The following NHS variants were observed in gnomAD, a reference collection of about 807,000 sequenced individuals.
NHS encodes NHS actin remodeling regulator, also known as actin remodeling regulator NHS.
In NHS, 5 loss-of-function variants were observed where a neutral mutation model predicts 72.5. The ratio of observed to expected loss-of-function variants is 0.07; its 90% CI spans 0.04 to 0.14. The LOEUF is 0.14. Among genes scored for constraint, NHS ranks in the 10% least tolerant of loss-of-function variants. The pLI is 1.00. For synonymous variants in NHS, 464 were observed against 547.7 expected (o/e 0.85, Z 2.13); for missense variants, 1,072 against 1,355.7 (o/e 0.79, Z 3.29).
At chrX:17,658,749 C>T (rs1351950037) in intron 1 of NHS, among the ~76,000 whole-genome samples, 3 of 111,726 alleles carry the variant, frequency 2.7e-5, no homozygotes, top group South Asian at 3.8e-4. Flanking sequence ...GGGAAGACCA[C>T]GGGTTGAGAT....
intron 1 of NHS, among the ~76,000 whole-genome samples, chrX:17,684,072 T>TA (rs2066145180): frequency 9.0e-6 from 1 of 110,804 alleles, no homozygotes; most frequent in Non-Finnish European, 1.9e-5. Flanking sequence ...TAAAGGGGAG[T>TA]TCCCCTGCAT....
chrX:17,448,975 A>C (rs772349124), intron 1 of NHS, among the ~76,000 whole-genome samples: 1 of 112,799 alleles, frequency 8.9e-6, no homozygotes, highest in Non-Finnish European at 1.9e-5. Context: ...AATGCCTACA[A>C]TATCTATGGC....
rs796409129 is a variant in NHS, at chrX:17,673,237, C to CACACACAG, written c.566-14504_566-14503insCACACAGA. On this transcript the variant is annotated intron_variant, in intron 1 of 8. Coordinates refer to ENST00000676302, the MANE Select transcript of NHS (RefSeq NM_001291867.2). ...ACACACACACACACACACACACACA[C>CACACACAG]AAGAAAGCTCGTCTGAGCCAGGGAC... Among the ~76,000 whole-genome samples, 160 of 95,031 alleles carry CACACACAG rather than the reference C, an allele frequency of 1.7e-3. 7 individuals carry two copies. Among genetic ancestry groups the CACACACAG allele is most frequent in the Non-Finnish European group, 2.4e-3 (116 of 47,801 alleles). 82.5% of individuals were successfully genotyped at this position (95,031 alleles called of 115,157 possible).
At position 17,562,709 on chromosome X, in the gene NHS, A is replaced by G. The variant is rs779449234; in HGVS notation, c.566-125033A>G. ...TAATAAACAAAGAATCTTTAAAGAA[A>G]GAGAGTTTTACAAAAACCAGAGGAT... On this transcript the variant is annotated intron_variant, in intron 1 of 8. Transcript: ENST00000676302. Among the ~76,000 whole-genome samples the G allele has an allele frequency of 6.2e-5, 7 of 112,519 alleles. No homozygotes were observed. The South Asian group carries it at 2.6e-3, about 42-fold the overall frequency.
chrX:17,727,015 C>T lies in NHS; in HGVS notation c.2909C>T (p.Thr970Met), dbSNP rs373464879. The T allele has an allele frequency of 5.3e-5, 64 of 1,210,145 alleles. No homozygotes were observed. The highest frequency in any genetic ancestry group is 4.8e-4 in the South Asian group (27 of 56,820). Reference sequence around the variant, plus strand: ...TCTCTATCTAATTCAAGCACCGCTACGGGTACCACAGTCATTGAATGCATC... The same window carrying T: ...TCTCTATCTAATTCAAGCACCGCTATGGGTACCACAGTCATTGAATGCATC... ...YRSLSNSSTA[T>M]GTTVIECIKS... is the part of the protein sequence containing the mutation. Residue 970 changes from threonine to methionine, a missense_variant, in exon 7 of 9, where the codon ACG (threonine) becomes ATG (methionine). Transcript: ENST00000676302.
chrX:17,502,507 T>TTTCTAGTCTGCCCGATGCTTCTGCTTTA (rs1601736116), intron 1 of NHS, among the ~76,000 whole-genome samples: 1 of 52,530 alleles, frequency 1.9e-5, no homozygotes, highest in Admixed American at 1.7e-4. Context: ...AAGTCAGGGT[T>TTTCTAGTCTGCCCGATGCTTCTGCTTTA]GGCCGGGCGC....
intron 1 of NHS, among the ~76,000 whole-genome samples, chrX:17,408,660 C>A (rs986627877): frequency 2.1e-4 from 24 of 111,767 alleles, no homozygotes; most frequent in African/African-American, 7.8e-4. Flanking sequence ...TATTCTAGTG[C>A]CTCAGCCCTG....
Position 17,726,864 on chromosome X carries a change from C to A in NHS, c.2758C>A (p.Gln920Lys), listed in dbSNP as rs2066448643. 8.3e-7 allele frequency: 1 copy of A among 1,210,346 alleles called. No homozygotes were observed. The highest frequency in any genetic ancestry group is 1.7e-5 in the African/African-American group (1 of 57,251). The change falls in exon 7 of 9, where the codon CAA becomes AAA. Residue 920 changes from glutamine (Q) to lysine (K), a missense_variant. Coordinates refer to ENST00000676302, the MANE Select transcript of NHS (RefSeq NM_001291867.2). ...ACCTTCTTGGATAAACCAGAGTGAACAAGGCATTAAGGAACCTCAGTTAGA... is the reference window on the plus strand; with the variant it reads ...ACCTTCTTGGATAAACCAGAGTGAAAAAGGCATTAAGGAACCTCAGTTAGA... ...QEPSWINQSE[Q>K]GIKEPQLDAS...
intron 1 of NHS, among the ~76,000 whole-genome samples, chrX:17,673,177 A>AAC (rs56271300): frequency 0.041 from 2,713 of 65,448 alleles, 76 homozygotes; most frequent in Middle Eastern, 0.057. Flanking sequence ...TGGAAGATGA[A>AAC]ACACACACAC....
chrX:17,506,776 C>T (rs2065061309), intron 1 of NHS, among the ~76,000 whole-genome samples: 1 of 111,028 alleles, frequency 9.0e-6, no homozygotes, highest in African/African-American at 3.3e-5. Context: ...CTATAATATG[C>T]TAGAGAGGCT....
intron 1 of NHS, among the ~76,000 whole-genome samples, chrX:17,508,770 C>G (rs1480129913): frequency 2.7e-5 from 3 of 112,361 alleles, no homozygotes; most frequent in African/African-American, 9.7e-5. Context: ...GTGCCCGGCT[C>G]ATTTTTGTTT....
chrX:17,432,710 A>T (rs1427102386), intron 1 of NHS, among the ~76,000 whole-genome samples: 1 of 111,496 alleles, frequency 9.0e-6, no homozygotes, highest in Non-Finnish European at 1.9e-5. Context: ...TCCCCTTTGG[A>T]AACAATGTTC....
intron 5 of NHS, among the ~76,000 whole-genome samples, chrX:17,723,648 T>C: frequency 9.1e-6 from 1 of 109,571 alleles, no homozygotes. Flanking sequence ...GTTTAGTAAA[T>C]AGAAGAAAGT....
chrX:17,447,785 GCACACACACACACACACACACACA>G (rs58710651), intron 1 of NHS, among the ~76,000 whole-genome samples: 1 of 89,645 alleles, frequency 1.1e-5, no homozygotes. Flanking sequence ...ACACACACAC[GCACACACACACACACACACACACA>G]CACACACACA....
At chrX:17,479,174 G>A (rs1430850841) in intron 1 of NHS, among the ~76,000 whole-genome samples, 1 of 111,929 alleles carries the variant, frequency 8.9e-6, no homozygotes, top group Non-Finnish European at 1.9e-5. Context: ...CTGTTCCTGT[G>A]TTAGTTTGCT....
At chrX:17,578,841 A>G (rs2146981101) in intron 1 of NHS, among the ~76,000 whole-genome samples, 1 of 112,037 alleles carries the variant, frequency 8.9e-6, no homozygotes, top group Admixed American at 9.5e-5. Flanking sequence ...GTTCGCTAGT[A>G]TCTTGCGGCA....
At chrX:17,598,497 TA>T (rs2065635145) in intron 1 of NHS, among the ~76,000 whole-genome samples, 1 of 112,240 alleles carries the variant, frequency 8.9e-6, no homozygotes, top group Non-Finnish European at 1.9e-5. Context: ...ATATGATGCC[TA>T]CCCTGTGCCT....
intron 1 of NHS, among the ~76,000 whole-genome samples, chrX:17,621,841 C>A (rs1461574885): frequency 2.7e-5 from 3 of 111,909 alleles, no homozygotes; most frequent in Non-Finnish European, 5.6e-5. Flanking sequence ...TGTTCTCTAA[C>A]AGTGTGGTTC....
rs1022487334 is a variant in NHS, at chrX:17,446,334, A to G, written c.565+70012A>G. ...GCCTCTGAGCCCAAGCTCAGCCATCATATCCCCTGTGACCCGCACGTATAC... is the reference window on the plus strand; with the variant it reads ...GCCTCTGAGCCCAAGCTCAGCCATCGTATCCCCTGTGACCCGCACGTATAC... On this transcript the variant is annotated intron_variant, in intron 1 of 8. Transcript: ENST00000676302. Among the ~76,000 whole-genome samples, 8 of 111,158 alleles carry G rather than the reference A, an allele frequency of 7.2e-5. No individual in the cohort carries two copies. The East Asian group carries it at 2.3e-3, about 31-fold the overall frequency.
Sources: allele counts gnomAD v4.1 joint callset (sites outside exome capture counted in the v4.1 genomes callset), GRCh38; gene constraint gnomAD v4.1.1; transcripts MANE v1.5; gene names NCBI Gene and HGNC (gene_info 2026-07-23, HGNC 2026-07-21).